The following USB1 variants were observed in gnomAD, a reference collection of about 807,000 sequenced individuals.
USB1 encodes the protein U6 snRNA biogenesis phosphodiesterase 1, also known as U6 snRNA phosphodiesterase 1.
Under a neutral mutation model 29.9 loss-of-function variants are expected in USB1, and 21 were observed. The observed-to-expected ratio is 0.70, with a 90% CI of 0.50 to 1.01. The LOEUF (loss-of-function observed/expected upper bound fraction) is 1.01, where lower values mean the gene tolerates loss of function less well. USB1 is among the 50% of genes least tolerant of loss of function. USB1 has a pLI of 0.00. For synonymous variants in USB1, 143 were observed against 134.9 expected (o/e 1.06, Z -0.42); for missense variants, 330 against 347.1 (o/e 0.95, Z 0.39).
intron 4 of USB1, chr16:58,016,745 C>T (rs573041941): frequency 6.2e-5 from 11 of 177,902 alleles, no homozygotes; most frequent in Non-Finnish European, 8.5e-5. Context: ...GATTTGGTAA[C>T]GTGGAGGTTG....
chr16:58,002,228 A>T (rs1315994405), intron 1 of USB1, among the ~76,000 whole-genome samples: 4 of 152,156 alleles, frequency 2.6e-5, no homozygotes, highest in Admixed American at 1.3e-4. Context: ...TCCAGCTTGG[A>T]AATGTGACCC....
chr16:58,003,346 G>C lies in USB1; in HGVS notation c.265+701G>C, dbSNP rs915779079. Among the ~76,000 whole-genome samples the C allele has an allele frequency of 5.9e-5, 9 of 152,350 alleles. No homozygotes were observed. The East Asian group carries it at 1.5e-3, about 26-fold the overall frequency. ...AGAGGCTGAGGTAGGCGGATTGACT[G>C]ACCCTGGGAGGTAGAGACTGTGGTG... On this transcript the variant is annotated intron_variant, in intron 2 of 6. Coordinates refer to ENST00000219281, the MANE Select transcript of USB1 (RefSeq NM_024598.4).
Position 58,011,066 on chromosome 16 carries a change from C to CGACA in USB1, c.449+954_449+955insGACA, listed in dbSNP as rs765938774. 3 of 825,394 alleles carry CGACA rather than the reference C, an allele frequency of 3.6e-6. No homozygotes were observed. The South Asian group carries it at 4.3e-5, about 12-fold the overall frequency. The allele number at this position is 825,394 out of a possible 1,614,324, so 51.1% of individuals were successfully genotyped here. A position where few individuals can be genotyped will look rare whatever the true frequency, so the allele number is the denominator to read the frequency against. ...TCATTGGAACCAAAGATGCCCCTGT[C>CGACA]ACCCAGGAAATTCCAAAGGATTTAG... On this transcript the variant is annotated intron_variant, in intron 3 of 6. Coordinates refer to ENST00000219281, the MANE Select transcript of USB1 (RefSeq NM_024598.4).
At chr16:58,002,707 G>A in intron 2 of USB1, 62 bp downstream of exon 2, 1 of 1,606,532 alleles carries the variant, frequency 6.2e-7, no homozygotes, top group Admixed American at 1.7e-5. Context: ...CTCATGAAGG[G>A]CAGAATCTGG....
intron 3 of USB1, chr16:58,010,761 GTC>G (rs1963473464): frequency 1.9e-6 from 1 of 519,066 alleles, no homozygotes; most frequent in South Asian, 2.3e-5. Flanking sequence ...GTAGGGTGAG[GTC>G]TGGAAGGGTC....
intron 1 of USB1, 143 bp from the exon 2 acceptor site, chr16:58,002,336 T>A: frequency 7.6e-7 from 1 of 1,320,506 alleles, no homozygotes; most frequent in Non-Finnish European, 1.1e-6. Flanking sequence ...ACAATTTCGC[T>A]ATCTAGAAGC....
At chr16:58,006,997 A>G (rs980890886) in intron 2 of USB1, among the ~76,000 whole-genome samples, 1 of 152,174 alleles carries the variant, frequency 6.6e-6, no homozygotes, top group African/African-American at 2.4e-5. Context: ...CCTTTAGCCT[A>G]TTGATTGGAT....
In USB1 at chr16:58,013,983, C is replaced by G; in HGVS notation, c.450-290C>G. The G allele has an allele frequency of 2.6e-6, 1 of 387,068 alleles. No individual in the cohort carries two copies. The highest frequency in any genetic ancestry group is 5.2e-5 in the East Asian group (1 of 19,048). The allele number at this position is 387,068 out of a possible 1,614,324, so 24.0% of individuals were successfully genotyped here. A position where few individuals can be genotyped will look rare whatever the true frequency, so the allele number is the denominator to read the frequency against. Reference sequence around the variant, plus strand: ...TCAATAAGGCTTTCTCAGTTCCCATCAGTGAAGTTGAGATAGTCTCAAATT... The same window carrying G: ...TCAATAAGGCTTTCTCAGTTCCCATGAGTGAAGTTGAGATAGTCTCAAATT... On this transcript the variant is annotated intron_variant, in intron 3 of 6. Coordinates refer to ENST00000219281, the MANE Select transcript of USB1 (RefSeq NM_024598.4). The surrounding 1 kb of genome is among the most constrained non-coding windows in gnomAD (Gnocchi z 4.3).
rs1449772932 is a variant in USB1 at position 58,001,520 on chromosome 16, G to C, written c.37G>C (p.Gly13Arg). ...GCCCCTGGTGGGCTACAGCAGCAGCGGCTCCGAGGATGAGTCCGAGGACGG... is the reference window on the plus strand; with the variant it reads ...GCCCCTGGTGGGCTACAGCAGCAGCCGCTCCGAGGATGAGTCCGAGGACGG... Reference protein sequence around the residue: ...AAPLVGYSSSGSEDESEDGMR... With the variant: ...AAPLVGYSSSRSEDESEDGMR... Residue 13 changes from glycine to arginine, a missense_variant, in exon 1 of 7, where the codon GGC becomes CGC. Coordinates refer to ENST00000219281, the MANE Select transcript of USB1 (RefSeq NM_024598.4). 2.5e-6 allele frequency: 4 copies of C among 1,608,274 alleles called. No homozygotes were observed. Among genetic ancestry groups the C allele is most frequent in the South Asian group, 1.1e-5 (1 of 90,108 alleles).
Position 58,018,980 on chromosome 16 carries a change from T to G in USB1, c.618T>G (p.Ser206=). The G allele has an allele frequency of 6.2e-7, 1 of 1,614,186 alleles. No individual in the cohort carries two copies. The highest frequency in any genetic ancestry group is 8.5e-7 in the Non-Finnish European group (1 of 1,180,018). Residue 206 remains serine (S), a synonymous_variant, in exon 6 of 7, where the codon TCT becomes TCG. Coordinates refer to ENST00000219281, the MANE Select transcript of USB1 (RefSeq NM_024598.4). ...FNLTTFYQDP[S]FHLSLAWCVG... is the part of the protein sequence containing the mutation. ...CTCGTTTCCCTCCCCAGGATCCTTC[T>G]TTCCACCTCAGCCTGGCCTGGTGTG...
At chr16:58,007,317 C>T (rs539175105) in intron 2 of USB1, among the ~76,000 whole-genome samples, 1 of 152,290 alleles carries the variant, frequency 6.6e-6, no homozygotes, top group South Asian at 2.1e-4. Context: ...GTGGGATTCT[C>T]TAGTGAACCG....
At chr16:58,018,880 G>A (rs1398185697) in intron 5 of USB1, 92 bp from the exon 6 acceptor site, 27 of 1,271,038 alleles carry the variant, frequency 2.1e-5, no homozygotes, top group Non-Finnish European at 3.1e-5. Context: ...GATCCAGCAG[G>A]GATGTCACGA....
At chr16:58,010,980 C>T (rs1465683248) in intron 3 of USB1, 1 of 701,918 alleles carries the variant, frequency 1.4e-6, no homozygotes, top group Non-Finnish European at 2.6e-6. Flanking sequence ...GCTGAAAGTT[C>T]CCAGCTTCTA....
intron 3 of USB1, chr16:58,012,552 A>C (rs921838984): frequency 1.9e-5 from 26 of 1,377,020 alleles, no homozygotes; most frequent in Non-Finnish European, 2.5e-5. Flanking sequence ...CTCCCGGCTA[A>C]TGGTGTACCA....
intron 3 of USB1, chr16:58,012,403 CAGAGGT>C: frequency 7.0e-7 from 1 of 1,423,806 alleles, no homozygotes; most frequent in South Asian, 1.2e-5. Flanking sequence ...CTAAAAGATT[CAGAGGT>C]AGCACTGGCT....
intron 4 of USB1, 29 bp downstream of exon 4, chr16:58,014,355 C>T: frequency 1.9e-6 from 3 of 1,592,304 alleles, no homozygotes; most frequent in Non-Finnish European, 2.6e-6. Context: ...CAATCACCAT[C>T]AGAGGAAGAT....
intron 4 of USB1, 110 bp downstream of exon 4, chr16:58,014,436 C>T: frequency 1.1e-6 from 1 of 933,744 alleles, no homozygotes; most frequent in Non-Finnish European, 1.7e-6. Context: ...TTTTAACCAA[C>T]TCTATGACTA....
In USB1 at chr16:58,014,265, A is replaced by C; in HGVS notation, c.450-8A>C. ...ATTTTTCCTGAAATATGGTCTTCTA[A>C]ATTTCAGATTCTTCTTTACTGCCAA... On this transcript the variant is annotated splice_region_variant and splice_polypyrimidine_tract_variant and intron_variant, in intron 3 of 6. Coordinates refer to ENST00000219281, the MANE Select transcript of USB1 (RefSeq NM_024598.4). 2 of 1,611,332 alleles carry C rather than the reference A, an allele frequency of 1.2e-6. No individual in the cohort carries two copies. Among genetic ancestry groups the C allele is most frequent in the Non-Finnish European group, 1.7e-6 (2 of 1,178,022 alleles).
intron 3 of USB1, chr16:58,010,872 G>A: frequency 1.6e-6 from 1 of 638,104 alleles, no homozygotes; most frequent in South Asian, 1.8e-5. Flanking sequence ...CTCAAACCCT[G>A]TAGTTCCAAA....
Sources: gnomAD v4.1 joint callset for allele counts (sites outside exome capture counted in the v4.1 genomes callset) on GRCh38, gnomAD v4.1.1 for gene constraint, Gnocchi (gnomAD v3.1) non-coding constraint, MANE v1.5 for transcripts, NCBI Gene and HGNC (gene_info 2026-07-23, HGNC 2026-07-21) for gene names.